Variants in SLC4A10 observed in about 807,000 individuals in gnomAD.
The protein encoded by SLC4A10 is sodium-driven chloride bicarbonate exchanger.
SLC4A10 carries 42 observed loss-of-function variants against 137.7 expected under a neutral mutation model. The ratio of observed to expected loss-of-function variants is 0.30; its 90% CI spans 0.24 to 0.39. The LOEUF is 0.39. Ranked by LOEUF, SLC4A10 falls within the 10% of genes least tolerant of loss-of-function variation. The pLI, the probability that SLC4A10 is intolerant of heterozygous loss-of-function variation, is 1.00. For missense variants in SLC4A10, 925 were observed against 1,355.0 expected (o/e 0.68, Z 4.98); for synonymous variants, 474 against 464.1 (o/e 1.02, Z -0.27).
In SLC4A10 at chr2:161,752,902, T is replaced by C. The variant is rs183992751; in HGVS notation, c.49-18071T>C. ...GTACTTGAAAATTGCTGAGTTGATT[T>C]AAGTGTTTTTACCACAAAAAAATGA... On this transcript the variant is annotated intron_variant, in intron 1 of 26. Coordinates refer to ENST00000446997, the MANE Select transcript of SLC4A10 (RefSeq NM_001178015.2). Among the ~76,000 whole-genome samples, 222 of 152,244 alleles carry C rather than the reference T, an allele frequency of 1.5e-3. 1 individual carries two copies. The highest frequency in any genetic ancestry group is 5.0e-3 in the African/African-American group (209 of 41,574).
intron 12 of SLC4A10, 85 bp from the exon 13 acceptor site, chr2:161,903,919 G>A: frequency 7.4e-7 from 1 of 1,350,964 alleles, no homozygotes. Context: ...CGTATACTGT[G>A]ACCTGGCAAC....
At chr2:161,961,317 C>T (rs144389650) in intron 21 of SLC4A10, among the ~76,000 whole-genome samples, 3 of 152,242 alleles carry the variant, frequency 2.0e-5, no homozygotes, top group African/African-American at 7.2e-5. Context: ...TTGCAGGTCA[C>T]GGAACACCCA....
chr2:161,691,126 T>C (rs1567982), intron 1 of SLC4A10, among the ~76,000 whole-genome samples: 143,542 of 152,150 alleles, frequency 0.94, 67,744 homozygotes, highest in East Asian at 1. Flanking sequence ...CAGTGAGATA[T>C]AAGTATAAAC....
intron 1 of SLC4A10, among the ~76,000 whole-genome samples, chr2:161,755,929 C>G (rs1177915918): frequency 2.6e-5 from 4 of 152,034 alleles, no homozygotes; most frequent in African/African-American, 9.7e-5. Flanking sequence ...GCCACCATGC[C>G]CAGCTAATTT....
intron 1 of SLC4A10, among the ~76,000 whole-genome samples, chr2:161,643,120 T>C (rs1371131921): frequency 1.3e-5 from 2 of 152,046 alleles, no homozygotes; most frequent in African/African-American, 2.4e-5. Flanking sequence ...TGTAATTCAA[T>C]ATAGATAACT....
chr2:161,660,564 C>A lies in SLC4A10; in HGVS notation c.48+35998C>A, dbSNP rs1052192979. On this transcript the variant is annotated intron_variant, in intron 1 of 26. Coordinates refer to ENST00000446997, the MANE Select transcript of SLC4A10 (RefSeq NM_001178015.2). ...TTTGTGTACTCATCTATATTTCTTT[C>A]TTTCTTTCTTTCTTTCTTTCTTTCT... 2.8e-4 allele frequency among the ~76,000 whole-genome samples: 23 copies of A among 81,248 alleles called. No individual in the cohort carries two copies. In the South Asian group the frequency reaches 5.0e-3, roughly 18 times the overall value. The allele number at this position is 81,248 out of a possible 152,430, so 53.3% of individuals were successfully genotyped here. A position where few individuals can be genotyped will look rare whatever the true frequency, so the allele number is the denominator to read the frequency against.
chr2:161,884,637 G>A (rs1197906133), intron 10 of SLC4A10, among the ~76,000 whole-genome samples: 1 of 152,172 alleles, frequency 6.6e-6, no homozygotes, highest in Non-Finnish European at 1.5e-5. Context: ...ATTTAGACTT[G>A]AAAGTTTCAG....
At chr2:161,954,648 A>C (rs901748083) in intron 19 of SLC4A10, among the ~76,000 whole-genome samples, 5 of 152,162 alleles carry the variant, frequency 3.3e-5, no homozygotes, top group Non-Finnish European at 7.4e-5. Context: ...AAGAGCAAGA[A>C]CTGCTTTATT....
intron 1 of SLC4A10, among the ~76,000 whole-genome samples, chr2:161,656,475 T>G (rs2037546620): frequency 6.6e-6 from 1 of 152,164 alleles, no homozygotes; most frequent in Admixed American, 6.5e-5. Flanking sequence ...ATTTATCTAT[T>G]GTATAATTAT....
At chr2:161,829,619 C>T (rs1487930027) in intron 3 of SLC4A10, among the ~76,000 whole-genome samples, 1 of 152,040 alleles carries the variant, frequency 6.6e-6, no homozygotes, top group Non-Finnish European at 1.5e-5. Context: ...TAATTTCATT[C>T]CACTTGAATA....
At chr2:161,795,173 A>C (rs1306074737) in intron 2 of SLC4A10, among the ~76,000 whole-genome samples, 2 of 151,998 alleles carry the variant, frequency 1.3e-5, no homozygotes, top group Non-Finnish European at 2.9e-5. Flanking sequence ...TACATATCTT[A>C]TCTTCCTTAC....
intron 2 of SLC4A10, among the ~76,000 whole-genome samples, chr2:161,794,823 G>A (rs1352692561): frequency 6.6e-6 from 1 of 152,032 alleles, no homozygotes; most frequent in African/African-American, 2.4e-5. Flanking sequence ...TACCACTGAG[G>A]TGTTTTCCCT....
At chr2:161,727,859 G>A (rs1410719640) in intron 1 of SLC4A10, among the ~76,000 whole-genome samples, 2 of 151,902 alleles carry the variant, frequency 1.3e-5, no homozygotes, top group Admixed American at 6.6e-5. Context: ...GAGAACAAAA[G>A]GACCGGTGTA....
intron 10 of SLC4A10, among the ~76,000 whole-genome samples, chr2:161,883,788 G>T (rs922905091): frequency 3.3e-5 from 5 of 151,962 alleles, no homozygotes; most frequent in Admixed American, 1.3e-4. Flanking sequence ...AGTTGTCTCT[G>T]TGTGTCTTCT....
At chr2:161,905,301 C>T (rs1354325935) in intron 14 of SLC4A10, among the ~76,000 whole-genome samples, 1 of 152,112 alleles carries the variant, frequency 6.6e-6, no homozygotes, top group Non-Finnish European at 1.5e-5. Context: ...ATTAGATTCT[C>T]ATAAGGAGCA....
intron 1 of SLC4A10, among the ~76,000 whole-genome samples, chr2:161,757,305 T>A (rs1346421786): frequency 1.3e-5 from 2 of 152,192 alleles, no homozygotes; most frequent in Non-Finnish European, 2.9e-5. Context: ...CCTGACATTG[T>A]TTCATCTTAA....
chr2:161,926,063 T>C (rs1331966300), intron 15 of SLC4A10, among the ~76,000 whole-genome samples: 1 of 152,082 alleles, frequency 6.6e-6, no homozygotes, highest in Non-Finnish European at 1.5e-5. Flanking sequence ...AGATGTCTAT[T>C]AGGTCCGCTT....
intron 3 of SLC4A10, among the ~76,000 whole-genome samples, chr2:161,826,040 A>T (rs1185776684): frequency 6.6e-6 from 1 of 152,208 alleles, no homozygotes; most frequent in Non-Finnish European, 1.5e-5. Context: ...ACTAATTAGA[A>T]TTGATAATAT....
intron 1 of SLC4A10, among the ~76,000 whole-genome samples, chr2:161,727,034 C>T (rs568473580): frequency 1.3e-5 from 2 of 152,344 alleles, no homozygotes; most frequent in African/African-American, 2.4e-5. Flanking sequence ...CCCACCCCTA[C>T]TCCAGCAGAA....
Sources: allele counts gnomAD v4.1 joint callset (sites outside exome capture counted in the v4.1 genomes callset), GRCh38; gene constraint gnomAD v4.1.1; transcripts MANE v1.5; gene names NCBI Gene and HGNC (gene_info 2026-07-23, HGNC 2026-07-21).